The following IQCM variants were observed in gnomAD, a reference collection of about 807,000 sequenced individuals.
IQCM encodes IQ domain-containing protein M.
In IQCM, 45 loss-of-function variants were observed where a neutral mutation model predicts 57.6. The ratio of observed to expected loss-of-function variants is 0.78; its 90% CI spans 0.62 to 1.00. IQCM has a LOEUF of 1.00. Ranked by LOEUF, IQCM falls within the 50% of genes least tolerant of loss-of-function variation. The pLI is 0.00. For synonymous variants in IQCM, 148 were observed against 158.9 expected (o/e 0.93, Z 0.51); for missense variants, 468 against 511.6 (o/e 0.91, Z 0.82).
intron 5 of IQCM, among the ~76,000 whole-genome samples, chr4:149,730,426 TA>T (rs778026400): frequency 6.6e-6 from 1 of 152,212 alleles, no homozygotes. Context: ...AACTTCTCTT[TA>T]AAACATTTAA....
intron 13 of IQCM, among the ~76,000 whole-genome samples, chr4:149,410,217 C>A (rs572141720): frequency 3.9e-5 from 6 of 151,950 alleles, no homozygotes; most frequent in South Asian, 2.1e-4. Context: ...AAACAAAAAA[C>A]CCCACAGTTC....
chr4:149,375,463 G>T (rs1730646537), intron 13 of IQCM, among the ~76,000 whole-genome samples: 2 of 152,108 alleles, frequency 1.3e-5, no homozygotes, highest in Non-Finnish European at 2.9e-5. Flanking sequence ...AGCTGGGTTA[G>T]TTTCTACTTT....
intron 13 of IQCM, among the ~76,000 whole-genome samples, chr4:149,372,408 C>G (rs114700624): frequency 0.018 from 2,788 of 152,142 alleles, 36 homozygotes; most frequent in African/African-American, 0.025. Context: ...GGGGATGTGC[C>G]TGCTAAACCC....
intron 5 of IQCM, among the ~76,000 whole-genome samples, 155 bp downstream of exon 5, chr4:149,733,089 T>C (rs917734941): frequency 6.6e-6 from 1 of 152,166 alleles, no homozygotes; most frequent in Non-Finnish European, 1.5e-5. Flanking sequence ...TGCCCAGAGA[T>C]TAGCAGCTCT....
chr4:149,595,868 G>C (rs192523943), intron 8 of IQCM, among the ~76,000 whole-genome samples: 1 of 152,268 alleles, frequency 6.6e-6, no homozygotes, highest in East Asian at 1.9e-4. Context: ...GTGGTCTTAA[G>C]TGTAGTATTC....
At chr4:149,519,522 T>C (rs1745381888) in intron 12 of IQCM, among the ~76,000 whole-genome samples, 1 of 151,140 alleles carries the variant, frequency 6.6e-6, no homozygotes, top group Admixed American at 6.6e-5. Flanking sequence ...ATTGGGAGGC[T>C]GGGGAGGCTG....
chr4:149,756,610 A>G (rs950572133), intron 2 of IQCM, among the ~76,000 whole-genome samples: 2 of 152,222 alleles, frequency 1.3e-5, no homozygotes, highest in South Asian at 4.1e-4. Context: ...ATTAATATTT[A>G]CAAATATGCT....
intron 12 of IQCM, among the ~76,000 whole-genome samples, chr4:149,487,289 G>A (rs1257854338): frequency 6.6e-6 from 1 of 152,144 alleles, no homozygotes; most frequent in Non-Finnish European, 1.5e-5. Context: ...TACAGTGCCT[G>A]AGCTGGTATC....
At chr4:149,596,213 G>C (rs546607215) in intron 8 of IQCM, among the ~76,000 whole-genome samples, 9 of 152,162 alleles carry the variant, frequency 5.9e-5, no homozygotes, top group Admixed American at 5.9e-4. Flanking sequence ...TTTGAAAAAA[G>C]ATACAAGGGG....
chr4:149,793,135 A>G (rs1772795935), intron 2 of IQCM, among the ~76,000 whole-genome samples: 1 of 152,232 alleles, frequency 6.6e-6, no homozygotes, highest in Non-Finnish European at 1.5e-5. Context: ...GCTAGTTCTC[A>G]TAAACACTCC....
At chr4:149,606,269 C>A (rs571395445) in intron 8 of IQCM, among the ~76,000 whole-genome samples, 41 of 152,232 alleles carry the variant, frequency 2.7e-4, no homozygotes, top group Middle Eastern at 6.8e-3. Context: ...TTGGAGGAAA[C>A]AGAGGAAATA....
intron 2 of IQCM, among the ~76,000 whole-genome samples, chr4:149,786,835 C>A (rs1011691415): frequency 6.6e-6 from 1 of 152,146 alleles, no homozygotes; most frequent in Non-Finnish European, 1.5e-5. Context: ...TGGGTATATA[C>A]CCAAAAGAAT....
intron 8 of IQCM, among the ~76,000 whole-genome samples, chr4:149,603,729 A>G (rs1754523807): frequency 6.6e-6 from 1 of 152,166 alleles, no homozygotes; most frequent in Admixed American, 6.5e-5. Flanking sequence ...TTAAAAAAAA[A>G]AAGTCAACTT....
chr4:149,639,232 G>T (rs934592427), intron 7 of IQCM, among the ~76,000 whole-genome samples: 1 of 152,086 alleles, frequency 6.6e-6, no homozygotes, highest in East Asian at 1.9e-4. Flanking sequence ...TTTGTGACCA[G>T]CCTGGGCAAC....
intron 12 of IQCM, among the ~76,000 whole-genome samples, chr4:149,468,137 C>T (rs773426865): frequency 6.6e-6 from 1 of 152,076 alleles, no homozygotes; most frequent in Non-Finnish European, 1.5e-5. Context: ...CTCACTGGGG[C>T]TTGTCAGACA....
intron 13 of IQCM, among the ~76,000 whole-genome samples, chr4:149,389,422 G>A (rs567273531): frequency 2.0e-5 from 3 of 151,688 alleles, no homozygotes; most frequent in South Asian, 2.1e-4. Context: ...TGTTTATTGC[G>A]GCATTATTCA....
At chr4:149,401,032 C>T (rs1191401507) in intron 13 of IQCM, among the ~76,000 whole-genome samples, 3 of 151,666 alleles carry the variant, frequency 2.0e-5, no homozygotes, top group Non-Finnish European at 4.4e-5. Context: ...TGTCTGTGTG[C>T]TCAATACATT....
At chr4:149,387,183 T>G (rs1385192138) in intron 13 of IQCM, among the ~76,000 whole-genome samples, 2 of 152,024 alleles carry the variant, frequency 1.3e-5, no homozygotes, top group African/African-American at 4.8e-5. Context: ...CACTCTCTGA[T>G]TCATAGATGA....
At chr4:149,728,069 C>T (rs1000298071) in intron 5 of IQCM, among the ~76,000 whole-genome samples, 10 of 152,344 alleles carry the variant, frequency 6.6e-5, no homozygotes, top group South Asian at 4.1e-4. Context: ...TGTGCTAGCA[C>T]GGCACTGACT....
Sources: allele counts gnomAD v4.1 joint callset (sites outside exome capture counted in the v4.1 genomes callset), GRCh38; gene constraint gnomAD v4.1.1; transcripts MANE v1.5; gene names NCBI Gene and HGNC (gene_info 2026-07-23, HGNC 2026-07-21).